Variants in CEP295NL observed in about 807,000 individuals in gnomAD.
CEP295NL encodes protein DDC8 homolog.
A neutral mutation model predicts 4.6 loss-of-function variants in CEP295NL; 3 were observed. That is an observed-to-expected ratio of 0.65 (90% CI 0.30 to 1.69). The LOEUF is 1.69. Ranked by LOEUF, CEP295NL falls within the 40% of genes most tolerant of loss-of-function variation. The probability of loss-of-function intolerance (pLI) is 0.10; values close to 1 mark genes in which losing one functional copy is unlikely to be tolerated. For synonymous variants in CEP295NL, 295 were observed against 312.2 expected (o/e 0.94, Z 0.58); for missense variants, 719 against 769.0 (o/e 0.93, Z 0.77).
intron 1 of CEP295NL, among the ~76,000 whole-genome samples, chr17:78,902,297 G>A (rs149587239): frequency 6.3e-4 from 96 of 152,312 alleles, no homozygotes; most frequent in East Asian, 5.6e-3. Context: ...TAGTAGAGAC[G>A]GGGATTCACC....
Position 78,892,154 on chromosome 17 carries a change from C to T in CEP295NL, c.350G>A (p.Gly117Glu). 1 of 1,550,946 alleles carries T rather than the reference C, an allele frequency of 6.4e-7. No individual in the cohort carries two copies. The highest frequency in any genetic ancestry group is 1.2e-5 in the South Asian group (1 of 84,070). ...LQRLAEELRR[G>E]YQEAQHLHVG... ...GTGCAGGTGCTGTGCCTCCTGATACCCTCTCCTCAACTCCTCAGCCAAGCG... is the reference window on the plus strand; with the variant it reads ...GTGCAGGTGCTGTGCCTCCTGATACTCTCTCCTCAACTCCTCAGCCAAGCG... The change falls in exon 3 of 3, where the codon GGG becomes GAG. Residue 117 changes from glycine (G) to glutamate (E), a missense_variant. By Grantham distance (98) the Gly-to-Glu change is moderately conservative. Transcript: ENST00000322630.
intron 2 of CEP295NL, among the ~76,000 whole-genome samples, chr17:78,894,184 G>A (rs755822695): frequency 1.3e-5 from 2 of 151,378 alleles, no homozygotes; most frequent in South Asian, 2.1e-4. Context: ...TTTGAGATAC[G>A]AAGCTCCTAC....
chr17:78,902,348 T>A (rs2070107388), intron 1 of CEP295NL, among the ~76,000 whole-genome samples: 1 of 152,220 alleles, frequency 6.6e-6, no homozygotes. Context: ...CCTCAGGTGA[T>A]CCACTCGCCT....
Position 78,892,213 on chromosome 17 carries a change from C to A in CEP295NL, c.291G>T (p.Ala97=). The A allele has an allele frequency of 6.4e-7, 1 of 1,551,030 alleles. No individual in the cohort carries two copies. The highest frequency in any genetic ancestry group is 8.7e-7 in the Non-Finnish European group (1 of 1,147,100). Residue 97 remains alanine (A), a synonymous_variant, in exon 3 of 3, where the codon GCG becomes GCT. Coordinates refer to ENST00000322630, the MANE Select transcript of CEP295NL (RefSeq NM_001243540.2). Reference sequence around the variant, plus strand: ...GGTAGTTTTTCCACAGCTTGGCATCCGCTCTTCTCTGCAGAGCGAGATCGC... The same window carrying A: ...GGTAGTTTTTCCACAGCTTGGCATCAGCTCTTCTCTGCAGAGCGAGATCGC... ...GKGDLALQRR[A]DAKLWKNYQL... is the part of the protein sequence containing the mutation.
Position 78,891,116 on chromosome 17 carries a change from G to A in CEP295NL, c.1388C>T (p.Ser463Leu). Residue 463 changes from serine (S) to leucine (L), a missense_variant, in exon 3 of 3, where the codon TCA becomes TTA. Physicochemically the swap from Ser to Leu is moderately radical, Grantham distance 145. Transcript: ENST00000322630. This position sits in a 1 kb window ranked among gnomAD's most constrained non-coding sequence, Gnocchi z 4.5. ...TCCAGATTCAGTGCTATACAATAAT[G>A]AGTCCTCTTTGTTGATAAATATACC... is the stretch of plus-strand genomic sequence containing the variant. ...EAGIFINKED[S>L]LLYSTESGQE... The A allele has an allele frequency of 2.6e-6, 4 of 1,550,774 alleles. No individual in the cohort carries two copies. The highest frequency in any genetic ancestry group is 2.0e-5 in the Admixed American group (1 of 51,006).
chr17:78,893,390 T>C (rs1237077538), intron 2 of CEP295NL, among the ~76,000 whole-genome samples: 4 of 133,486 alleles, frequency 3.0e-5, no homozygotes, highest in Non-Finnish European at 4.8e-5. Context: ...TGTGCAGGGG[T>C]GTGTATGCAG....
In CEP295NL at chr17:78,892,102, T is replaced by C; in HGVS notation, c.402A>G (p.Ser134=). Residue 134 remains serine, a synonymous_variant, in exon 3 of 3, where the codon TCA becomes TCG. Transcript: ENST00000322630. ...LHVGGLDRLQ[S]ARLLGWGGGR... ...CTCCTCCCCAGCCCAACAGACGTGC[T>C]GACTGCAGCCTGTCCAGGCCACCGA... 2 of 1,551,764 alleles carry C rather than the reference T, an allele frequency of 1.3e-6. No homozygotes were observed. The highest frequency in any genetic ancestry group is 4.9e-5 in the East Asian group (2 of 40,974).
At chr17:78,900,626 A>T (rs536041628) in intron 2 of CEP295NL, among the ~76,000 whole-genome samples, 10 of 152,252 alleles carry the variant, frequency 6.6e-5, no homozygotes, top group African/African-American at 2.2e-4. Context: ...CCACTGCCTG[A>T]GCTTTCACAC....
At position 78,891,669 on chromosome 17, in the gene CEP295NL, T is replaced by G; in HGVS notation, c.835A>C (p.Arg279=). Residue 279 remains arginine, a synonymous_variant, in exon 3 of 3, where the codon AGG becomes CGG. Transcript: ENST00000322630. This position sits in a 1 kb window ranked among gnomAD's most constrained non-coding sequence, Gnocchi z 4.5. The part of the protein sequence containing the change: ...KEKGTARAGR[R]QLGKGAVCFV... ...CAAACTGCCCCCTTTCCCAGTTGCCTCCTCCCCGCCCGAGCTGTTCCTTTC... is the reference window on the plus strand; with the variant it reads ...CAAACTGCCCCCTTTCCCAGTTGCCGCCTCCCCGCCCGAGCTGTTCCTTTC... 6.4e-7 allele frequency: 1 copy of G among 1,551,038 alleles called. No homozygotes were observed. Among genetic ancestry groups the G allele is most frequent in the Non-Finnish European group, 8.7e-7 (1 of 1,147,102 alleles).
rs201551873 is a variant in CEP295NL, at chr17:78,891,506, T to C, written c.998A>G (p.Glu333Gly). Residue 333 changes from glutamate to glycine, a missense_variant, in exon 3 of 3, where the codon GAG (glutamate) becomes GGG (glycine). Glu to Gly is a moderately conservative substitution (Grantham distance 98, BLOSUM62 -2). Transcript: ENST00000322630. The surrounding 1 kb of genome is among the most constrained non-coding windows in gnomAD (Gnocchi z 4.5). ...VSPASQCTLR[E>G]KNKWQKELEL... ...CAGCTCTTTCTGCCACTTGTTCTTCTCCCGGAGCGTGCACTGAGATGCTGG... is the reference window on the plus strand; with the variant it reads ...CAGCTCTTTCTGCCACTTGTTCTTCCCCCGGAGCGTGCACTGAGATGCTGG... 2.6e-3 allele frequency: 4,052 copies of C among 1,551,176 alleles called. 127 individuals carry two copies. The South Asian group carries it at 0.046, about 18-fold the overall frequency.
In CEP295NL at chr17:78,890,934, C is replaced by T. The variant is rs2069881403; in HGVS notation, c.1570G>A (p.Glu524Lys). 1 of 1,550,934 alleles carries T rather than the reference C, an allele frequency of 6.4e-7. No individual in the cohort carries two copies. Among genetic ancestry groups the T allele is most frequent in the African/African-American group, 1.4e-5 (1 of 73,138 alleles). The change falls in exon 3 of 3, where the codon GAA becomes AAA. Residue 524 changes from glutamate to lysine, a missense_variant. Physicochemically the swap from Glu to Lys is moderately conservative, Grantham distance 56. Transcript: ENST00000322630. ...QKQLESLEQM[E>K]HPDMSLEIHY... ...ATTTCCAAGCTCATATCTGGGTGTT[C>T]CATTTGTTCAAGCGATTCCAGTTGT...
rs551189216 is a variant in CEP295NL at position 78,891,277 on chromosome 17, T to C, written c.1227A>G (p.Pro409=). 6 of 1,550,644 alleles carry C rather than the reference T, an allele frequency of 3.9e-6. No individual in the cohort carries two copies. Among genetic ancestry groups the C allele is most frequent in the Admixed American group, 2.0e-5 (1 of 51,002 alleles). ...CTGCCTGCTGCGCCTCCTCCTCTGC[T>C]GGGCTCCTGGGTTCCCCGGCAGGCA... ...EMLPAGEPRS[P]AEEEAQQAAS... The change falls in exon 3 of 3, where the codon CCA becomes CCG. Residue 409 remains proline (P), a synonymous_variant. Coordinates refer to ENST00000322630, the MANE Select transcript of CEP295NL (RefSeq NM_001243540.2). The surrounding 1 kb of genome is among the most constrained non-coding windows in gnomAD (Gnocchi z 4.5).
chr17:78,902,486 C>A (rs1301218880), intron 1 of CEP295NL, among the ~76,000 whole-genome samples: 1 of 152,166 alleles, frequency 6.6e-6, no homozygotes, highest in Non-Finnish European at 1.5e-5. Flanking sequence ...CTGGCTAGGC[C>A]CACAGCAGGC....
At chr17:78,893,361 AG>A (rs2069942823) in intron 2 of CEP295NL, among the ~76,000 whole-genome samples, 2 of 89,024 alleles carry the variant, frequency 2.2e-5, no homozygotes, top group South Asian at 8.3e-4. Context: ...GTGTGTGTGC[AG>A]GGGTGTGTAG....
In CEP295NL at chr17:78,891,010, C is replaced by T. The variant is rs770219042; in HGVS notation, c.1494G>A (p.Ser498=). 14 of 1,551,070 alleles carry T rather than the reference C, an allele frequency of 9.0e-6. No individual in the cohort carries two copies. The highest frequency in any genetic ancestry group is 2.4e-5 in the South Asian group (2 of 84,062). ...HLQDQADRVG[S]TASRQRQKAE... The stretch of plus-strand genomic sequence containing the variant: ...CTTTCTGCCTTTGCCTGGATGCCGT[C>T]GAGCCCACTCTGTCTGCCTGGTCTT... Residue 498 remains serine, a synonymous_variant, in exon 3 of 3, where the codon TCG becomes TCA. Coordinates refer to ENST00000322630, the MANE Select transcript of CEP295NL (RefSeq NM_001243540.2). This position sits in a 1 kb window ranked among gnomAD's most constrained non-coding sequence, Gnocchi z 4.5.
intron 1 of CEP295NL, chr17:78,902,557 G>A (rs1235160221): frequency 3.3e-5 from 5 of 152,402 alleles, no homozygotes; most frequent in Admixed American, 6.5e-5. Context: ...ATCCTGGGCT[G>A]GGTCAGCTCT....
In CEP295NL at chr17:78,896,417, G is replaced by A. The variant is rs1196750174; in HGVS notation, c.45-3958C>T. Among the ~76,000 whole-genome samples, 3 of 152,160 alleles carry A rather than the reference G, an allele frequency of 2.0e-5. No homozygotes were observed. Among genetic ancestry groups the A allele is most frequent in the African/African-American group, 7.2e-5 (3 of 41,434 alleles). On this transcript the variant is annotated intron_variant, in intron 2 of 2. Coordinates refer to ENST00000322630, the MANE Select transcript of CEP295NL (RefSeq NM_001243540.2). This position sits in a 1 kb window ranked among gnomAD's most constrained non-coding sequence, Gnocchi z 4.4. The stretch of plus-strand genomic sequence containing the variant: ...GCCAGACAGGACGTCGGGTGCCCTT[G>A]GCAGGACACTTGCCAATGAAGACAG...
chr17:78,895,984 C>T (rs1212982530), intron 2 of CEP295NL, among the ~76,000 whole-genome samples: 10 of 152,256 alleles, frequency 6.6e-5, no homozygotes, highest in Non-Finnish European at 1.5e-4. Flanking sequence ...GCCCCACTGG[C>T]GTGGGCATCC....
intron 1 of CEP295NL, among the ~76,000 whole-genome samples, chr17:78,902,315 T>C (rs2070106616): frequency 6.6e-6 from 1 of 152,148 alleles, no homozygotes; most frequent in Admixed American, 6.5e-5. Flanking sequence ...ACCATATTGG[T>C]CAGACTGGTT....
Sources: allele counts gnomAD v4.1 joint callset (sites outside exome capture counted in the v4.1 genomes callset), GRCh38; gene constraint gnomAD v4.1.1; non-coding constraint Gnocchi (gnomAD v3.1); transcripts MANE v1.5; gene names NCBI Gene and HGNC (gene_info 2026-07-23, HGNC 2026-07-21).